Variants in MCTP1 observed in about 807,000 individuals in gnomAD.
MCTP1 encodes the protein multiple C2 and transmembrane domain-containing protein 1.
Under a neutral mutation model 120.6 loss-of-function variants are expected in MCTP1, and 69 were observed. That is an observed-to-expected ratio of 0.57 (90% CI 0.47 to 0.70). MCTP1 has a LOEUF of 0.70. MCTP1 is among the 30% of genes least tolerant of loss of function. MCTP1 has a pLI of 0.00. For missense variants in MCTP1, 1,203 were observed against 1,248.8 expected, an observed-to-expected ratio of 0.96 and a Z score of 0.55; for synonymous variants, 529 against 493.1, an observed-to-expected ratio of 1.07 and a Z score of -0.96.
At chr5:95,259,105 G>GC (rs1290196547) in intron 1 of MCTP1, among the ~76,000 whole-genome samples, 1 of 152,140 alleles carries the variant, frequency 6.6e-6, no homozygotes, top group African/African-American at 2.4e-5. Context: ...TTCATCAACT[G>GC]GGTAGCCACT....
At chr5:95,199,990 G>T (rs181260868) in intron 1 of MCTP1, among the ~76,000 whole-genome samples, 4 of 151,960 alleles carry the variant, frequency 2.6e-5, no homozygotes, top group Admixed American at 2.6e-4. Flanking sequence ...GTGAAACCTC[G>T]TCTCTACTAA....
chr5:94,838,747 A>G (rs983994114), intron 17 of MCTP1, among the ~76,000 whole-genome samples: 1 of 152,188 alleles, frequency 6.6e-6, no homozygotes, highest in African/African-American at 2.4e-5. Flanking sequence ...TATTAAATGC[A>G]TGGTTGTCCT....
chr5:94,947,876 C>T (rs1014600380), intron 3 of MCTP1, among the ~76,000 whole-genome samples: 24 of 150,910 alleles, frequency 1.6e-4, no homozygotes, highest in African/African-American at 2.4e-4. Context: ...CTCACCTCAG[C>T]GCCCCAAAGT....
At chr5:95,181,807 G>A (rs1734475141) in intron 1 of MCTP1, among the ~76,000 whole-genome samples, 1 of 152,184 alleles carries the variant, frequency 6.6e-6, no homozygotes, top group South Asian at 2.1e-4. Flanking sequence ...TGAAAAGAGA[G>A]ATGTGCATAA....
chr5:94,852,297 TGA>T (rs1793908675), intron 17 of MCTP1, among the ~76,000 whole-genome samples: 1 of 151,942 alleles, frequency 6.6e-6, no homozygotes, highest in Admixed American at 6.6e-5. Context: ...TTAGAGTGTG[TGA>T]GAGAATTATT....
intron 17 of MCTP1, among the ~76,000 whole-genome samples, chr5:94,816,511 A>C (rs560019396): frequency 2.8e-4 from 43 of 152,280 alleles, no homozygotes; most frequent in Non-Finnish European, 4.9e-4. Flanking sequence ...ATTAAATATG[A>C]AGCTGGATTT....
intron 1 of MCTP1, among the ~76,000 whole-genome samples, chr5:95,236,448 C>A (rs550665397): frequency 1.3e-5 from 2 of 152,106 alleles, no homozygotes; most frequent in African/African-American, 4.8e-5. Flanking sequence ...CTTTTCAGAT[C>A]CTGGAAAAAA....
intron 1 of MCTP1, among the ~76,000 whole-genome samples, chr5:95,171,573 C>T (rs377124865): frequency 1.3e-5 from 2 of 152,174 alleles, no homozygotes; most frequent in African/African-American, 2.4e-5. Flanking sequence ...TTGGTCTTTT[C>T]GCATAGTCCC....
At chr5:95,069,661 T>C (rs1233647465) in intron 1 of MCTP1, among the ~76,000 whole-genome samples, 1 of 151,634 alleles carries the variant, frequency 6.6e-6, no homozygotes, top group African/African-American at 2.4e-5. Context: ...GATGTCAAGT[T>C]GGGGTGCTTC....
chr5:94,812,784 A>G (rs1783710823), intron 17 of MCTP1, among the ~76,000 whole-genome samples: 1 of 151,926 alleles, frequency 6.6e-6, no homozygotes, highest in Middle Eastern at 3.2e-3. Context: ...TAAAAAAAAA[A>G]AAAGGTGATA....
chr5:94,970,192 C>T (rs751596491), intron 2 of MCTP1, among the ~76,000 whole-genome samples: 2 of 151,784 alleles, frequency 1.3e-5, no homozygotes, highest in Non-Finnish European at 2.9e-5. Context: ...TTCAGGTAAC[C>T]TTTAGGCTTA....
At chr5:94,825,014 A>G (rs1786641934) in intron 17 of MCTP1, among the ~76,000 whole-genome samples, 1 of 152,190 alleles carries the variant, frequency 6.6e-6, no homozygotes, top group Admixed American at 6.5e-5. Context: ...ATTGTTTTGA[A>G]GGGTTTTTCA....
intron 19 of MCTP1, among the ~76,000 whole-genome samples, chr5:94,770,446 G>A (rs1773800645): frequency 6.6e-6 from 1 of 152,084 alleles, no homozygotes; most frequent in Non-Finnish European, 1.5e-5. Flanking sequence ...CTTTTTTTGA[G>A]GCAAAGAAAA....
intron 1 of MCTP1, among the ~76,000 whole-genome samples, chr5:95,064,994 T>C (rs192086938): frequency 2.8e-4 from 43 of 152,344 alleles, no homozygotes; most frequent in Admixed American, 2.0e-3. Flanking sequence ...ATCATGTTTC[T>C]GCTAAAAATT....
intron 1 of MCTP1, among the ~76,000 whole-genome samples, chr5:95,252,509 A>T (rs906003021): frequency 6.6e-6 from 1 of 152,168 alleles, no homozygotes; most frequent in African/African-American, 2.4e-5. Flanking sequence ...AGTTTTCTAA[A>T]GTAAATGCTC....
At chr5:94,768,664 T>G (rs114632824) in intron 19 of MCTP1, among the ~76,000 whole-genome samples, 1 of 152,060 alleles carries the variant, frequency 6.6e-6, no homozygotes, top group Non-Finnish European at 1.5e-5. Context: ...ACTGGAGAAA[T>G]GCAAACCAAA....
Position 94,724,409 on chromosome 5 carries a change from C to T in MCTP1, c.2611-9523G>A, listed in dbSNP as rs1761659353. 5.4e-5 allele frequency among the ~76,000 whole-genome samples: 5 copies of T among 92,864 alleles called. No individual in the cohort carries two copies. In the South Asian group the frequency reaches 2.0e-3, roughly 38 times the overall value. The allele number at this position is 92,864 out of a possible 152,430, so 60.9% of individuals were successfully genotyped here. ...CACAGGTGTGCACCACCACGTCTGG[C>T]TAATTTTTTTTTTTTTTTTTTTGGT... On this transcript the variant is annotated intron_variant, in intron 19 of 22. Coordinates refer to ENST00000515393, the MANE Select transcript of MCTP1 (RefSeq NM_024717.7).
At chr5:94,756,837 T>C (rs1770011272) in intron 19 of MCTP1, among the ~76,000 whole-genome samples, 1 of 152,218 alleles carries the variant, frequency 6.6e-6, no homozygotes, top group African/African-American at 2.4e-5. Context: ...TATAGGATTG[T>C]GCATGTTATG....
chr5:95,167,110 TG>T (rs573048516), intron 1 of MCTP1, among the ~76,000 whole-genome samples: 133 of 152,226 alleles, frequency 8.7e-4, no homozygotes, highest in African/African-American at 2.6e-3. Context: ...TGTTGCCCTG[TG>T]TCCAAGTGTT....
Sources: allele counts gnomAD v4.1 joint callset (sites outside exome capture counted in the v4.1 genomes callset), GRCh38; gene constraint gnomAD v4.1.1; transcripts MANE v1.5; gene names NCBI Gene and HGNC (gene_info 2026-07-23, HGNC 2026-07-21).